FREM3: variants seen among roughly 807,000 people sequenced by gnomAD.
FREM3 encodes FRAS1 related extracellular matrix 3, also known as FRAS1-related extracellular matrix protein 3.
A neutral mutation model predicts 129.1 loss-of-function variants in FREM3; 105 were observed. The observed-to-expected ratio is 0.81, with a 90% CI of 0.69 to 0.96. The LOEUF is 0.96. Among genes scored for constraint, FREM3 ranks in the 40% least tolerant of loss-of-function variants. The pLI, the probability that FREM3 is intolerant of heterozygous loss-of-function variation, is 0.00. For synonymous variants in FREM3, 1,014 were observed against 1,044.9 expected, an observed-to-expected ratio of 0.97 and a Z score of 0.57; for missense variants, 2,593 against 2,666.3, an observed-to-expected ratio of 0.97 and a Z score of 0.61.
chr4:143,679,769 A>G (rs912825642), intron 2 of FREM3, among the ~76,000 whole-genome samples: 4 of 152,178 alleles, frequency 2.6e-5, no homozygotes, highest in Non-Finnish European at 4.4e-5. Flanking sequence ...TAGCTTGTCC[A>G]GGGCGAACAA....
chr4:143,642,198 ATTAGTATTG>A (rs1326681219), intron 2 of FREM3, among the ~76,000 whole-genome samples: 3 of 152,222 alleles, frequency 2.0e-5, no homozygotes, highest in Non-Finnish European at 2.9e-5. Context: ...GATTCTAAGT[ATTAGTATTG>A]TTAAAATGGC....
At chr4:143,659,723 C>A (rs1739670534) in intron 2 of FREM3, among the ~76,000 whole-genome samples, 1 of 150,870 alleles carries the variant, frequency 6.6e-6, no homozygotes, top group African/African-American at 2.5e-5. Context: ...TCCTATTTCT[C>A]CACATCCTCT....
chr4:143,594,668 T>C (rs1459302208), intron 6 of FREM3, among the ~76,000 whole-genome samples: 1 of 152,164 alleles, frequency 6.6e-6, no homozygotes, highest in Non-Finnish European at 1.5e-5. Context: ...GTTGTACTGT[T>C]GTTTAGAGAA....
intron 4 of FREM3, among the ~76,000 whole-genome samples, chr4:143,623,535 C>CA (rs1264697654): frequency 7.8e-6 from 1 of 127,788 alleles, no homozygotes; most frequent in Non-Finnish European, 1.6e-5. Context: ...CTTCTACTTC[C>CA]AAAAAAAGGG....
At chr4:143,663,222 C>T (rs1318253461) in intron 2 of FREM3, among the ~76,000 whole-genome samples, 19 of 151,930 alleles carry the variant, frequency 1.3e-4, no homozygotes, top group African/African-American at 2.9e-4. Context: ...CAGCTGGTAC[C>T]GGTTGTTCCT....
At chr4:143,594,647 C>T (rs1363221528) in intron 6 of FREM3, among the ~76,000 whole-genome samples, 1 of 152,132 alleles carries the variant, frequency 6.6e-6, no homozygotes, top group African/African-American at 2.4e-5. Flanking sequence ...AGGTAAAAAA[C>T]ATTTGGATCA....
intron 2 of FREM3, among the ~76,000 whole-genome samples, chr4:143,628,691 T>C (rs185760869): frequency 6.6e-6 from 1 of 152,274 alleles, no homozygotes; most frequent in East Asian, 1.9e-4. Context: ...GAGAGTACTT[T>C]AGAAAAAGCT....
At chr4:143,631,329 GTATT>G (rs112309816) in intron 2 of FREM3, among the ~76,000 whole-genome samples, 9,993 of 151,552 alleles carry the variant, frequency 0.066, 958 homozygotes, top group African/African-American at 0.21. Flanking sequence ...TTATAATGCT[GTATT>G]TATTTATTTA....
In FREM3 at chr4:143,698,311, G is replaced by T; in HGVS notation, c.2365C>A (p.Pro789Thr). 1 of 1,537,760 alleles carries T rather than the reference G, an allele frequency of 6.5e-7. No homozygotes were observed. The highest frequency in any genetic ancestry group is 8.7e-7 in the Non-Finnish European group (1 of 1,147,044). Residue 789 changes from proline to threonine, a missense_variant, in exon 1 of 8, where the codon CCT becomes ACT. Around this residue, in one of 2 missense-constraint regions of FREM3, gnomAD observed 2,276 missense variants for 2,267.2 expected, o/e 1.00. Transcript: ENST00000329798. ...GGTGCAATACCCAATTTCTGTGGAG[G>T]CTGGTAGGCAACTTTATGCTGATTT... is the stretch of plus-strand genomic sequence containing the variant. ...QVNQHKVAYQPPQKLGIAPRV... is the reference protein window; with the variant it reads ...QVNQHKVAYQTPQKLGIAPRV...
chr4:143,615,078 T>C (rs1738821264), intron 5 of FREM3, among the ~76,000 whole-genome samples: 1 of 152,220 alleles, frequency 6.6e-6, no homozygotes, highest in African/African-American at 2.4e-5. Flanking sequence ...ACAAAAATCA[T>C]AAATGTTAAA....
chr4:143,590,340 T>G (rs1388532987), intron 6 of FREM3, among the ~76,000 whole-genome samples: 4 of 152,194 alleles, frequency 2.6e-5, no homozygotes, highest in African/African-American at 4.8e-5. Flanking sequence ...ATGTTTCCAG[T>G]TTTTGCCCAT....
At chr4:143,680,468 C>T (rs945298814) in intron 2 of FREM3, among the ~76,000 whole-genome samples, 1 of 151,992 alleles carries the variant, frequency 6.6e-6, no homozygotes, top group Non-Finnish European at 1.5e-5. Context: ...TTATGCATTC[C>T]TCTGTATTAT....
intron 2 of FREM3, among the ~76,000 whole-genome samples, chr4:143,652,516 G>A (rs552924826): frequency 2.0e-5 from 3 of 152,060 alleles, no homozygotes; most frequent in East Asian, 1.9e-4. Flanking sequence ...AAGCCTTAAC[G>A]AGCAATAGAA....
chr4:143,668,903 G>T (rs1314263900), intron 2 of FREM3, among the ~76,000 whole-genome samples: 3 of 152,206 alleles, frequency 2.0e-5, no homozygotes, highest in Non-Finnish European at 2.9e-5. Context: ...TAAGCAAATT[G>T]CTCAGAAGCT....
At chr4:143,675,918 A>C (rs369661320) in intron 2 of FREM3, among the ~76,000 whole-genome samples, 2 of 151,984 alleles carry the variant, frequency 1.3e-5, no homozygotes, top group Admixed American at 6.5e-5. Context: ...CAACCAAAAA[A>C]AGTCCAGGAC....
Position 143,695,549 on chromosome 4 carries a change from C to A in FREM3, c.5127G>T (p.Glu1709Asp), listed in dbSNP as rs1740549218. 5 of 1,537,386 alleles carry A rather than the reference C, an allele frequency of 3.3e-6. No individual in the cohort carries two copies. Among genetic ancestry groups the A allele is most frequent in the Non-Finnish European group, 4.4e-6 (5 of 1,146,922 alleles). Residue 1709 changes from glutamate to aspartate, a missense_variant, in exon 1 of 8, where the codon GAG becomes GAT. Physicochemically the swap from Glu to Asp is conservative, Grantham distance 45 (BLOSUM62 2). Transcript: ENST00000329798. Reference protein sequence around the residue: ...LLKYKVTRGPEHGFIIKTGLG... With the variant: ...LLKYKVTRGPDHGFIIKTGLG... ...GGCCAGTTTTGATAATGAAGCCATG[C>A]TCTGGTCCTCTGGTCACTTTATACT...
At chr4:143,620,953 C>T (rs1738935275) in intron 5 of FREM3, 84 bp downstream of exon 5, 1 of 1,352,176 alleles carries the variant, frequency 7.4e-7, no homozygotes, top group East Asian at 2.5e-5. Context: ...CTGCTTTGCT[C>T]ACCCTCTGTG....
intron 2 of FREM3, among the ~76,000 whole-genome samples, chr4:143,642,515 G>T (rs1739338553): frequency 6.6e-6 from 1 of 152,042 alleles, no homozygotes. Context: ...TTTAGCAAAG[G>T]TAACAAGAAC....
chr4:143,673,565 T>C (rs1000558929), intron 2 of FREM3, among the ~76,000 whole-genome samples: 2 of 152,194 alleles, frequency 1.3e-5, no homozygotes, highest in African/African-American at 2.4e-5. Context: ...AGGCAGTCTG[T>C]CCGTTCTCAG....
Sources: gnomAD v4.1 joint callset for allele counts (sites outside exome capture counted in the v4.1 genomes callset) on GRCh38, gnomAD v4.1.1 for gene constraint, gnomAD v4.1.1 regional missense constraint, MANE v1.5 for transcripts, NCBI Gene and HGNC (gene_info 2026-07-23, HGNC 2026-07-21) for gene names.